DPYD: variants seen among roughly 807,000 people sequenced by gnomAD.
The protein encoded by DPYD is dihydropyrimidine dehydrogenase [NADP(+)].
Under a neutral mutation model 116.2 loss-of-function variants are expected in DPYD, and 109 were observed. The observed-to-expected ratio is 0.94, with a 90% CI of 0.80 to 1.10. The LOEUF is 1.10. DPYD is among the 50% of genes least tolerant of loss of function. The probability of loss-of-function intolerance (pLI) is 0.00; values close to 1 mark genes in which losing one functional copy is unlikely to be tolerated. For synonymous variants in DPYD, 440 were observed against 432.0 expected (o/e 1.02, Z -0.23); for missense variants, 1,302 against 1,254.5 (o/e 1.04, Z -0.57).
chr1:97,633,505 T>A (rs962203413), intron 8 of DPYD, among the ~76,000 whole-genome samples: 3 of 152,072 alleles, frequency 2.0e-5, no homozygotes, highest in African/African-American at 7.2e-5. Context: ...CTCTTCACTA[T>A]TAATCAAACC....
chr1:97,400,302 C>G (rs1056911335), intron 14 of DPYD, among the ~76,000 whole-genome samples: 1 of 152,160 alleles, frequency 6.6e-6, no homozygotes, highest in African/African-American at 2.4e-5. Context: ...ATGAAGCTCA[C>G]TTGATCATGG....
intron 3 of DPYD, among the ~76,000 whole-genome samples, chr1:97,759,219 CA>C (rs1287259536): frequency 6.6e-6 from 1 of 152,130 alleles, no homozygotes; most frequent in Non-Finnish European, 1.5e-5. Flanking sequence ...CATTGGTGTT[CA>C]GAAATATTTC....
intron 2 of DPYD, among the ~76,000 whole-genome samples, chr1:97,849,497 T>C (rs1670469421): frequency 1.3e-5 from 2 of 152,104 alleles, no homozygotes; most frequent in African/African-American, 4.8e-5. Flanking sequence ...CATTTCTACA[T>C]TCATTTTTTT....
chr1:97,473,365 T>C (rs1190967344), intron 13 of DPYD, among the ~76,000 whole-genome samples: 3 of 152,214 alleles, frequency 2.0e-5, no homozygotes, highest in African/African-American at 7.2e-5. Context: ...CACATTTTCT[T>C]TTTTTATTCA....
chr1:97,555,994 T>C (rs1007218864), intron 11 of DPYD, among the ~76,000 whole-genome samples: 1 of 152,174 alleles, frequency 6.6e-6, no homozygotes, highest in South Asian at 2.1e-4. Flanking sequence ...TTCACTGATA[T>C]GATTAATTGG....
At chr1:97,168,742 A>G (rs1237108621) in intron 20 of DPYD, among the ~76,000 whole-genome samples, 1 of 152,158 alleles carries the variant, frequency 6.6e-6, no homozygotes, top group Non-Finnish European at 1.5e-5. Context: ...AGAAATTTTC[A>G]GAATTCACAT....
intron 8 of DPYD, among the ~76,000 whole-genome samples, chr1:97,629,037 A>G (rs1657102256): frequency 6.6e-6 from 1 of 152,098 alleles, no homozygotes; most frequent in Non-Finnish European, 1.5e-5. Context: ...AGTCCCTGGC[A>G]ATTAGTAAAC....
chr1:97,834,431 C>A (rs562743418), intron 2 of DPYD, among the ~76,000 whole-genome samples: 1 of 151,344 alleles, frequency 6.6e-6, no homozygotes, highest in Non-Finnish European at 1.5e-5. Flanking sequence ...ATAGGCCTCA[C>A]ATCCATTGCC....
At chr1:97,267,302 T>C (rs943602210) in intron 18 of DPYD, among the ~76,000 whole-genome samples, 6 of 152,202 alleles carry the variant, frequency 3.9e-5, no homozygotes, top group African/African-American at 1.4e-4. Context: ...ATTTTTTTCA[T>C]GTGTCTGTTG....
intron 3 of DPYD, among the ~76,000 whole-genome samples, chr1:97,800,540 C>T (rs1015480822): frequency 2.6e-5 from 4 of 151,948 alleles, no homozygotes; most frequent in Admixed American, 1.3e-4. Context: ...CCCAGAATAA[C>T]TCATTAAAAC....
In DPYD at chr1:97,869,210, T is replaced by C. The variant is rs1205114376; in HGVS notation, c.150+14054A>G. 2.0e-5 allele frequency among the ~76,000 whole-genome samples: 3 copies of C among 151,766 alleles called. No homozygotes were observed. The East Asian group carries it at 5.8e-4, about 29-fold the overall frequency. On this transcript the variant is annotated intron_variant, in intron 2 of 22. Transcript: ENST00000370192. ...CCTCGGTCAGTTCTCTCCATCAGAT[T>C]CAAGTGGCCAGAATGAGGGCCAGAG...
intron 18 of DPYD, among the ~76,000 whole-genome samples, chr1:97,291,941 T>C (rs961898402): frequency 8.5e-5 from 13 of 152,184 alleles, no homozygotes; most frequent in Non-Finnish European, 1.6e-4. Flanking sequence ...AAGATATATA[T>C]TTTTCATTTC....
At chr1:97,466,774 C>T (rs1219281181) in intron 13 of DPYD, among the ~76,000 whole-genome samples, 3 of 152,142 alleles carry the variant, frequency 2.0e-5, no homozygotes, top group Non-Finnish European at 4.4e-5. Flanking sequence ...CACCAGGCAT[C>T]CAGTACTAAA....
At chr1:97,124,037 AT>A (rs2101651464) in intron 20 of DPYD, among the ~76,000 whole-genome samples, 1 of 152,122 alleles carries the variant, frequency 6.6e-6, no homozygotes, top group East Asian at 1.9e-4. Context: ...TTTTCCATGG[AT>A]TTTGCTTCAT....
At chr1:97,834,327 C>A (rs991088535) in intron 2 of DPYD, among the ~76,000 whole-genome samples, 1 of 151,590 alleles carries the variant, frequency 6.6e-6, no homozygotes, top group Non-Finnish European at 1.5e-5. Flanking sequence ...AGATAGTATG[C>A]TAATCATTGA....
intron 12 of DPYD, among the ~76,000 whole-genome samples, chr1:97,517,247 G>C (rs1359074448): frequency 6.6e-6 from 1 of 152,034 alleles, no homozygotes; most frequent in East Asian, 1.9e-4. Flanking sequence ...GCACATTTCT[G>C]AATATTGGTT....
chr1:97,152,254 C>T (rs561630931), intron 20 of DPYD, among the ~76,000 whole-genome samples: 1 of 152,256 alleles, frequency 6.6e-6, no homozygotes, highest in South Asian at 2.1e-4. Context: ...AATTTATTTC[C>T]TGGTTTAAAC....
rs1664191198 is a variant in DPYD, at chr1:97,740,337, A to G, written c.321+55T>C. On this transcript the variant is annotated intron_variant, in intron 4 of 22. Transcript: ENST00000370192. ...GCTGTATTCTGTACCCACAGATAAT[A>G]GAGAACAAGATCAAATACTGTTATT... is the stretch of plus-strand genomic sequence containing the variant. The G allele has an allele frequency of 2.8e-6, 4 of 1,432,622 alleles. No homozygotes were observed. In the African/African-American group the frequency reaches 4.2e-5, roughly 15 times the overall value. The allele number at this position is 1,432,622 out of a possible 1,614,324, so 88.7% of individuals were successfully genotyped here. A position where few individuals can be genotyped will look rare whatever the true frequency, so the allele number is the denominator to read the frequency against.
chr1:97,878,685 T>G (rs180763183), intron 2 of DPYD, among the ~76,000 whole-genome samples: 5 of 152,116 alleles, frequency 3.3e-5, no homozygotes, highest in African/African-American at 1.2e-4. Context: ...TCCCATCTTT[T>G]CATTAAATCC....
Sources: gnomAD v4.1 joint callset for allele counts (sites outside exome capture counted in the v4.1 genomes callset) on GRCh38, gnomAD v4.1.1 for gene constraint, MANE v1.5 for transcripts, NCBI Gene and HGNC (gene_info 2026-07-23, HGNC 2026-07-21) for gene names.